Variants in THSD4 observed in about 807,000 individuals in gnomAD.
The protein encoded by THSD4 is thrombospondin type-1 domain-containing protein 4.
THSD4 carries 69 observed loss-of-function variants against 119.0 expected under a neutral mutation model. That is an observed-to-expected ratio of 0.58 (90% confidence interval 0.48 to 0.71). The LOEUF (loss-of-function observed/expected upper bound fraction) is 0.71, where lower values mean the gene tolerates loss of function less well. Among genes scored for constraint, THSD4 ranks in the 30% least tolerant of loss-of-function variants. THSD4 has a pLI of 0.00. For missense variants in THSD4, 1,393 were observed against 1,391.1 expected, an observed-to-expected ratio of 1.00 and a Z score of -0.02; for synonymous variants, 524 against 540.4, an observed-to-expected ratio of 0.97 and a Z score of 0.42.
At chr15:71,353,968 A>G (rs1174061978) in intron 6 of THSD4, among the ~76,000 whole-genome samples, 1 of 152,184 alleles carries the variant, frequency 6.6e-6, no homozygotes, top group Non-Finnish European at 1.5e-5. Flanking sequence ...CTGAAGATAG[A>G]ACCCTGAGGA....
chr15:71,236,900 G>C (rs887917037), intron 4 of THSD4, among the ~76,000 whole-genome samples: 4 of 152,178 alleles, frequency 2.6e-5, no homozygotes, highest in Non-Finnish European at 5.9e-5. Context: ...GTTTGGACCA[G>C]GAAAAACTTC....
chr15:71,739,980 G>A (rs532787813), intron 11 of THSD4, among the ~76,000 whole-genome samples: 1 of 152,182 alleles, frequency 6.6e-6, no homozygotes, highest in South Asian at 2.1e-4. Flanking sequence ...TTGGCTTAGT[G>A]GCTTTTGAGA....
chr15:71,246,117 G>A (rs1386617744), intron 5 of THSD4, among the ~76,000 whole-genome samples: 2 of 152,112 alleles, frequency 1.3e-5, no homozygotes, highest in Non-Finnish European at 2.9e-5. Context: ...GAGTTTCCTT[G>A]GGCAAGTCAC....
intron 2 of THSD4, among the ~76,000 whole-genome samples, chr15:71,151,719 C>T (rs28477827): frequency 0.2 from 29,839 of 152,122 alleles, 3,742 homozygotes; most frequent in African/African-American, 0.35. Flanking sequence ...CCCGCTGTCT[C>T]TAATTCTCCT....
At chr15:71,351,067 A>T (rs1272888673) in intron 6 of THSD4, among the ~76,000 whole-genome samples, 1 of 152,182 alleles carries the variant, frequency 6.6e-6, no homozygotes, top group East Asian at 1.9e-4. Flanking sequence ...TTCTAAGGCC[A>T]GCTGTGGTCC....
In THSD4 at chr15:71,746,893, C is replaced by T. The variant is rs1482717834; in HGVS notation, c.2092C>T (p.His698Tyr). 7 of 1,614,100 alleles carry T rather than the reference C, an allele frequency of 4.3e-6. No individual in the cohort carries two copies. Among genetic ancestry groups the T allele is most frequent in the Admixed American group, 1.7e-5 (1 of 60,032 alleles). The part of the protein sequence containing the change: ...CSKTCGLGMQ[H>Y]RQVLCRQVYA... ...CAAGACCTGTGGCCTGGGCATGCAG[C>T]ACCGCCAGGTTCTGTGCCGCCAGGT... The change falls in exon 13 of 18, where the codon CAC (histidine) becomes TAC (tyrosine). Residue 698 changes from histidine to tyrosine, a missense_variant. His to Tyr is a moderately conservative substitution (Grantham distance 83). Transcript: ENST00000261862.
intron 7 of THSD4, among the ~76,000 whole-genome samples, chr15:71,478,964 T>C (rs2047687049): frequency 6.6e-6 from 1 of 152,206 alleles, no homozygotes; most frequent in South Asian, 2.1e-4. Flanking sequence ...ACCACAGGTC[T>C]GCTTTGTATC....
intron 6 of THSD4, among the ~76,000 whole-genome samples, chr15:71,281,142 C>T (rs1208426503): frequency 6.6e-6 from 1 of 152,226 alleles, no homozygotes; most frequent in African/African-American, 2.4e-5. Context: ...TTGTGGGTTC[C>T]CCTGTGGGTC....
At chr15:71,326,361 TAGTGGTGGTGATGATAAC>T (rs1284532920) in intron 6 of THSD4, among the ~76,000 whole-genome samples, 5 of 151,742 alleles carry the variant, frequency 3.3e-5, no homozygotes, top group Admixed American at 1.3e-4. Context: ...GTGATGATGA[TAGTGGTGGTGATGATAAC>T]GGTGATAGTG....
At chr15:71,575,162 G>T (rs980430088) in intron 7 of THSD4, among the ~76,000 whole-genome samples, 1 of 152,118 alleles carries the variant, frequency 6.6e-6, no homozygotes, top group African/African-American at 2.4e-5. Flanking sequence ...CTCTAAAGCT[G>T]GGCTTGTTTG....
At chr15:71,282,363 G>A (rs1276646563) in intron 6 of THSD4, among the ~76,000 whole-genome samples, 2 of 152,048 alleles carry the variant, frequency 1.3e-5, no homozygotes, top group African/African-American at 4.8e-5. Context: ...TCCCTGTCCA[G>A]CTGTACCATA....
intron 7 of THSD4, among the ~76,000 whole-genome samples, chr15:71,631,971 C>T (rs1018643005): frequency 6.6e-6 from 1 of 152,184 alleles, no homozygotes; most frequent in South Asian, 2.1e-4. Context: ...AGCTTTGTGT[C>T]TTACTAGCCG....
intron 7 of THSD4, among the ~76,000 whole-genome samples, chr15:71,615,286 A>C (rs1478985891): frequency 6.6e-6 from 1 of 152,212 alleles, no homozygotes; most frequent in African/African-American, 2.4e-5. Context: ...CCCTGGTCAG[A>C]GACTCCAAAG....
chr15:71,648,410 G>A (rs770777287), intron 7 of THSD4, among the ~76,000 whole-genome samples: 7 of 152,168 alleles, frequency 4.6e-5, no homozygotes, highest in Non-Finnish European at 8.8e-5. Flanking sequence ...CCATCCAGCA[G>A]TCTCCCTTGC....
chr15:71,761,252 A>C (rs897329894), intron 15 of THSD4, among the ~76,000 whole-genome samples: 1 of 152,150 alleles, frequency 6.6e-6, no homozygotes, highest in African/African-American at 2.4e-5. Flanking sequence ...TTCTGTGATA[A>C]GATTCAAATT....
intron 17 of THSD4, among the ~76,000 whole-genome samples, chr15:71,776,829 G>A (rs886243639): frequency 6.6e-6 from 1 of 152,112 alleles, no homozygotes; most frequent in East Asian, 1.9e-4. Flanking sequence ...ATTCAATGTC[G>A]AGCAAGTTGC....
chr15:71,710,700 T>G (rs1455571745), intron 8 of THSD4, among the ~76,000 whole-genome samples: 2 of 152,214 alleles, frequency 1.3e-5, no homozygotes, highest in African/African-American at 4.8e-5. Flanking sequence ...TGGATTGAGC[T>G]CTTTCCTTAT....
chr15:71,748,314 G>T (rs781598954), intron 13 of THSD4, 107 bp from the exon 14 acceptor site: 7 of 1,372,902 alleles, frequency 5.1e-6, no homozygotes, highest in Non-Finnish European at 7.0e-6. Context: ...GCATGACAGA[G>T]CCTCAGTCTC....
At chr15:71,576,262 A>G (rs2049447228) in intron 7 of THSD4, among the ~76,000 whole-genome samples, 1 of 152,168 alleles carries the variant, frequency 6.6e-6, no homozygotes, top group South Asian at 2.1e-4. Flanking sequence ...TTCTCAATAC[A>G]TTTGCATGCA....
Sources: allele counts gnomAD v4.1 joint callset (sites outside exome capture counted in the v4.1 genomes callset), GRCh38; gene constraint gnomAD v4.1.1; transcripts MANE v1.5; gene names NCBI Gene and HGNC (gene_info 2026-07-23, HGNC 2026-07-21).